Variants in AKAP12 observed in about 807,000 individuals in gnomAD.
AKAP12 encodes A-kinase anchor protein 12.
A neutral mutation model predicts 79.9 loss-of-function variants in AKAP12; 32 were observed. The observed-to-expected ratio is 0.40, with a 90% CI of 0.30 to 0.54. The LOEUF is 0.54. Ranked by LOEUF, AKAP12 falls within the 20% of genes least tolerant of loss-of-function variation. The pLI, the probability that AKAP12 is intolerant of heterozygous loss-of-function variation, is 0.48. For missense variants in AKAP12, 2,074 were observed against 2,177.0 expected, an observed-to-expected ratio of 0.95 and a Z score of 0.94; for synonymous variants, 808 against 857.0, an observed-to-expected ratio of 0.94 and a Z score of 1.00.
intron 2 of AKAP12, among the ~76,000 whole-genome samples, chr6:151,250,176 T>C (rs1797146849): frequency 6.7e-6 from 1 of 150,216 alleles, no homozygotes; most frequent in African/African-American, 2.5e-5. Flanking sequence ...GCCCGGGAAG[T>C]TGAAGCTGCA....
At position 151,349,105 on chromosome 6, in the gene AKAP12, A is replaced by G; in HGVS notation, c.714A>G (p.Lys238=). 6.2e-7 allele frequency: 1 copy of G among 1,612,624 alleles called. No individual in the cohort carries two copies. The highest frequency in any genetic ancestry group is 8.5e-7 in the Non-Finnish European group (1 of 1,179,730). Residue 238 remains lysine (K), a synonymous_variant, in exon 4 of 5, where the codon AAA becomes AAG. Transcript: ENST00000402676. Reference sequence around the variant, plus strand: ...GCGAACCCAAACAATCTACAGAGAAACCCGAAGAGACCCTGAAGCGTGAGC... The same window carrying G: ...GCGAACCCAAACAATCTACAGAGAAGCCCGAAGAGACCCTGAAGCGTGAGC... The part of the protein sequence containing the change: ...KESEPKQSTE[K]PEETLKREQS...
chr6:151,305,210 A>G (rs1287780192), intron 2 of AKAP12, among the ~76,000 whole-genome samples: 2 of 150,946 alleles, frequency 1.3e-5, no homozygotes, highest in African/African-American at 4.9e-5. Flanking sequence ...TTCATTCTCA[A>G]GGGCTCTGTT....
chr6:151,341,665 C>T (rs1027868730), intron 3 of AKAP12: 3 of 1,159,154 alleles, frequency 2.6e-6, no homozygotes, highest in Non-Finnish European at 3.2e-6. Flanking sequence ...GCGCGCCATG[C>T]CCTGGTGGAG....
At position 151,338,371 on chromosome 6, in the gene AKAP12, T is replaced by C. The variant is rs1414986398; in HGVS notation, c.320-10340T>C. Among the ~76,000 whole-genome samples the C allele has an allele frequency of 2.0e-5, 3 of 152,326 alleles. No homozygotes were observed. The East Asian group carries it at 5.8e-4, about 29-fold the overall frequency. ...CTTTTGTCTTTTAGACTTTGATATGTTCAAAGTATAAGTTCCCTCCCCGTT... is the reference window on the plus strand; with the variant it reads ...CTTTTGTCTTTTAGACTTTGATATGCTCAAAGTATAAGTTCCCTCCCCGTT... On this transcript the variant is annotated intron_variant, in intron 3 of 4. Coordinates refer to ENST00000402676, the MANE Select transcript of AKAP12 (RefSeq NM_005100.4).
At chr6:151,272,802 G>T (rs985551683) in intron 2 of AKAP12, among the ~76,000 whole-genome samples, 3 of 152,196 alleles carry the variant, frequency 2.0e-5, no homozygotes, top group African/African-American at 7.2e-5. Context: ...AAAGTGCTGG[G>T]ATTACAGGTG....
At chr6:151,266,551 G>A (rs1776030642) in intron 2 of AKAP12, among the ~76,000 whole-genome samples, 1 of 152,148 alleles carries the variant, frequency 6.6e-6, no homozygotes, top group South Asian at 2.1e-4. Flanking sequence ...TTAGAAGATC[G>A]AATTATAAAG....
chr6:151,244,587 T>C (rs1797035815), intron 2 of AKAP12, among the ~76,000 whole-genome samples: 1 of 152,120 alleles, frequency 6.6e-6, no homozygotes, highest in African/African-American at 2.4e-5. Flanking sequence ...ATTTCATAAT[T>C]CCTCCCATAA....
At chr6:151,243,057 A>C (rs1179703545) in intron 2 of AKAP12, among the ~76,000 whole-genome samples, 1 of 152,194 alleles carries the variant, frequency 6.6e-6, no homozygotes, top group Non-Finnish European at 1.5e-5. Context: ...GAATAGTTTG[A>C]CCAAAAACTT....
At chr6:151,309,980 AAAAAAG>A (rs1248018197) in intron 3 of AKAP12, among the ~76,000 whole-genome samples, 2 of 152,036 alleles carry the variant, frequency 1.3e-5, no homozygotes, top group African/African-American at 4.8e-5. Flanking sequence ...ATGAAAAAAA[AAAAAAG>A]AAAAAGAAAA....
rs1229424135 is a variant in AKAP12 at position 151,352,306 on chromosome 6, A to C, written c.3915A>C (p.Lys1305Asn). 6.2e-7 allele frequency: 1 copy of C among 1,614,182 alleles called. No homozygotes were observed. Among genetic ancestry groups the C allele is most frequent in the East Asian group, 2.2e-5 (1 of 44,884 alleles). ...SREKVTEVAL[K>N]GEGTEEAECK... is the part of the protein sequence containing the mutation. ...AAAAGGTCACTGAAGTTGCCCTTAA[A>C]GGTGAAGGGACAGAAGAAGCTGAAT... is the stretch of plus-strand genomic sequence containing the variant. Residue 1305 changes from lysine to asparagine, a missense_variant, in exon 4 of 5, where the codon AAA (lysine) becomes AAC (asparagine). Lys to Asn is a moderately conservative substitution (Grantham distance 94, BLOSUM62 0). Transcript: ENST00000402676.
intron 2 of AKAP12, among the ~76,000 whole-genome samples, chr6:151,273,324 G>A (rs1776228363): frequency 6.6e-6 from 1 of 152,228 alleles, no homozygotes; most frequent in African/African-American, 2.4e-5. Flanking sequence ...TGTCCCTCCT[G>A]TTATTGCTGA....
At chr6:151,242,441 C>T (rs1467539611) in intron 2 of AKAP12, among the ~76,000 whole-genome samples, 1 of 152,212 alleles carries the variant, frequency 6.6e-6, no homozygotes, top group East Asian at 1.9e-4. Context: ...ACTTAAATGA[C>T]ATCCAGAATA....
At chr6:151,340,113 T>G (rs1777911189) in intron 3 of AKAP12, among the ~76,000 whole-genome samples, 1 of 151,978 alleles carries the variant, frequency 6.6e-6, no homozygotes, top group Non-Finnish European at 1.5e-5. Flanking sequence ...TTTGTTTGTT[T>G]TAGTAGAGAC....
intron 2 of AKAP12, among the ~76,000 whole-genome samples, chr6:151,290,954 C>T (rs1562723799): frequency 6.6e-6 from 1 of 152,184 alleles, no homozygotes; most frequent in Non-Finnish European, 1.5e-5. Flanking sequence ...ACTAAATCCC[C>T]TTCTCTTCCT....
chr6:151,273,204 G>A lies in AKAP12; in HGVS notation c.162+32480G>A, dbSNP rs190382900. Among the ~76,000 whole-genome samples the A allele has an allele frequency of 3.3e-5, 5 of 152,258 alleles. No homozygotes were observed. The East Asian group carries it at 7.7e-4, about 24-fold the overall frequency. ...TTATAGGCGTGAGCCACCGCGCCCC[G>A]CCCAGGCTGGACATTCTTAGCAAGA... On this transcript the variant is annotated intron_variant, in intron 2 of 4. Coordinates refer to ENST00000402676, the MANE Select transcript of AKAP12 (RefSeq NM_005100.4).
At chr6:151,322,035 G>T (rs1367104303) in intron 3 of AKAP12, among the ~76,000 whole-genome samples, 2 of 149,400 alleles carry the variant, frequency 1.3e-5, no homozygotes, top group Non-Finnish European at 3.0e-5. Flanking sequence ...TCAGCCTCCT[G>T]AGTAGCTGGG....
chr6:151,281,887 A>G (rs891578503), intron 2 of AKAP12, among the ~76,000 whole-genome samples: 4 of 151,766 alleles, frequency 2.6e-5, no homozygotes, highest in Non-Finnish European at 5.9e-5. Context: ...TGATGTAGGG[A>G]TGAGGTCTCC....
Position 151,304,488 on chromosome 6 carries a change from CAAAAAAAAAAAAAAAAAAAAAAA to C in AKAP12, c.163-1250_163-1228del, listed in dbSNP as rs1157088954. On this transcript the variant is annotated intron_variant, in intron 2 of 4. Coordinates refer to ENST00000402676, the MANE Select transcript of AKAP12 (RefSeq NM_005100.4). ...TGGGTGAAACAGTGACACTCCATCT[CAAAAAAAAAAAAAAAAAAAAAAA>C]AAAAAAAAGGATTATATGACCAAGG... is the stretch of plus-strand genomic sequence containing the variant. Among the ~76,000 whole-genome samples the C allele has an allele frequency of 2.8e-4, 13 of 46,004 alleles. 1 individual carries two copies. Among genetic ancestry groups the C allele is most frequent in the African/African-American group, 6.9e-4 (13 of 18,758 alleles). The allele number at this position is 46,004 out of a possible 152,430, so 30.2% of individuals were successfully genotyped here.
chr6:151,241,223 G>C (rs1796969042), intron 2 of AKAP12, among the ~76,000 whole-genome samples: 1 of 152,330 alleles, frequency 6.6e-6, no homozygotes, highest in African/African-American at 2.4e-5. Flanking sequence ...CTGGATGCCA[G>C]CGGTGCCTGG....
Sources: allele counts gnomAD v4.1 joint callset (sites outside exome capture counted in the v4.1 genomes callset), GRCh38; gene constraint gnomAD v4.1.1; transcripts MANE v1.5; gene names NCBI Gene and HGNC (gene_info 2026-07-23, HGNC 2026-07-21).